Variants in CDH12 observed in about 807,000 individuals in gnomAD.
CDH12 encodes the protein cadherin-12.
CDH12 carries 41 observed loss-of-function variants against 74.1 expected under a neutral mutation model. That is an observed-to-expected ratio of 0.55 (90% CI 0.43 to 0.72). CDH12 has a LOEUF of 0.72. CDH12 is among the 30% of genes least tolerant of loss of function. CDH12 has a pLI of 0.00. For synonymous variants in CDH12, 399 were observed against 355.0 expected (o/e 1.12, Z -1.39); for missense variants, 945 against 977.2 (o/e 0.97, Z 0.44).
intron 3 of CDH12, among the ~76,000 whole-genome samples, chr5:22,288,175 G>A (rs766301827): frequency 6.6e-6 from 1 of 152,250 alleles, no homozygotes; most frequent in South Asian, 2.1e-4. Flanking sequence ...GGCTCTTTCA[G>A]AAGATATGGA....
chr5:22,028,336 TGA>T (rs1290809772), intron 5 of CDH12, among the ~76,000 whole-genome samples: 2 of 152,100 alleles, frequency 1.3e-5, no homozygotes, highest in African/African-American at 4.8e-5. Context: ...TGTTTGCAGA[TGA>T]CATGATTGTA....
chr5:22,682,159 G>A (rs1741528570), intron 1 of CDH12, among the ~76,000 whole-genome samples: 1 of 151,994 alleles, frequency 6.6e-6, no homozygotes. Context: ...CAATGTGCTA[G>A]AACTTGTTCA....
At chr5:22,127,258 C>G (rs1220667817) in intron 4 of CDH12, among the ~76,000 whole-genome samples, 1 of 151,726 alleles carries the variant, frequency 6.6e-6, no homozygotes, top group Admixed American at 6.6e-5. Flanking sequence ...CTTTGGGGGG[C>G]CGAGAGGTCA....
At position 22,698,721 on chromosome 5, in the gene CDH12, ATATATATATATATAGTGT is replaced by A. The variant is rs1488908703; in HGVS notation, c.-523+154319_-523+154336del. 7.3e-3 allele frequency among the ~76,000 whole-genome samples: 138 copies of A among 18,906 alleles called. 12 individuals carry two copies. Among genetic ancestry groups the A allele is most frequent in the Admixed American group, 0.017 (28 of 1,616 alleles). 12.4% of individuals were successfully genotyped at this position (18,906 alleles called of 152,430 possible). On this transcript the variant is annotated intron_variant, in intron 1 of 14. Transcript: ENST00000382254. ...TATATATATATATATATATATATAT[ATATATATATATATAGTGT>A]GTGTGTGTGTGTGTGTGTGTGTGTG...
chr5:21,803,616 T>C (rs1365680190), intron 9 of CDH12, among the ~76,000 whole-genome samples: 1 of 152,182 alleles, frequency 6.6e-6, no homozygotes, highest in Non-Finnish European at 1.5e-5. Context: ...TGGTGCTTTG[T>C]TTAAGTGATA....
intron 1 of CDH12, among the ~76,000 whole-genome samples, chr5:22,815,738 C>A (rs1749356697): frequency 6.9e-6 from 1 of 145,492 alleles, no homozygotes; most frequent in Non-Finnish European, 1.5e-5. Context: ...CTGCTGCACT[C>A]CAGCTTGGGT....
intron 1 of CDH12, among the ~76,000 whole-genome samples, chr5:22,649,882 T>A (rs1739643080): frequency 6.6e-6 from 1 of 151,986 alleles, no homozygotes; most frequent in Non-Finnish European, 1.5e-5. Context: ...GCAGCACTGC[T>A]TGATGTGTAA....
At chr5:22,584,087 T>A (rs1386746090) in intron 1 of CDH12, among the ~76,000 whole-genome samples, 1 of 150,868 alleles carries the variant, frequency 6.6e-6, no homozygotes, top group African/African-American at 2.4e-5. Context: ...GCGGAATTTA[T>A]TTATTTATTT....
intron 3 of CDH12, among the ~76,000 whole-genome samples, chr5:22,369,507 G>GA (rs759829938): frequency 3.4e-4 from 52 of 151,932 alleles, no homozygotes; most frequent in Non-Finnish European, 6.9e-4. Context: ...CATACAAAGA[G>GA]AAAAAAATCA....
rs553514852 is a variant in CDH12, at chr5:22,226,202, G to A, written c.-332-13559C>T. Among the ~76,000 whole-genome samples the A allele has an allele frequency of 1.5e-4, 23 of 151,920 alleles. No individual in the cohort carries two copies. The East Asian group carries it at 2.5e-3, about 17-fold the overall frequency. On this transcript the variant is annotated intron_variant, in intron 3 of 14. Coordinates refer to ENST00000382254, the MANE Select transcript of CDH12 (RefSeq NM_004061.5). ...TCTCTATTCTCGGTATCCTGTCTGC[G>A]TTTGTGGGAGGCAGAATCCTAAGAT...
chr5:22,154,518 T>C (rs375489337), intron 4 of CDH12, among the ~76,000 whole-genome samples: 2 of 134,546 alleles, frequency 1.5e-5, no homozygotes, highest in South Asian at 2.6e-4. Flanking sequence ...TATGTACACA[T>C]ATATATACAC....
At position 22,587,315 on chromosome 5, in the gene CDH12, C is replaced by T. The variant is rs369726670; in HGVS notation, c.-522-81951G>A. Reference sequence around the variant, plus strand: ...AGGTCCTCACTAGATCCAGTCACCTCGACCTTGGCCTTCCCAGAACACCAT... The same window carrying T: ...AGGTCCTCACTAGATCCAGTCACCTTGACCTTGGCCTTCCCAGAACACCAT... On this transcript the variant is annotated intron_variant, in intron 1 of 14. Transcript: ENST00000382254. Among the ~76,000 whole-genome samples the T allele has an allele frequency of 2.2e-4, 34 of 152,196 alleles. 1 individual carries two copies. The East Asian group carries it at 3.3e-3, about 15-fold the overall frequency.
intron 4 of CDH12, among the ~76,000 whole-genome samples, chr5:22,149,866 G>T (rs1035390016): frequency 6.6e-6 from 1 of 152,220 alleles, no homozygotes; most frequent in East Asian, 1.9e-4. Context: ...ATGGTGGCAG[G>T]TGCCTGTAAT....
At chr5:21,793,233 T>C (rs375871438) in intron 10 of CDH12, among the ~76,000 whole-genome samples, 12 of 151,814 alleles carry the variant, frequency 7.9e-5, no homozygotes, top group African/African-American at 2.9e-4. Context: ...TTTTAAACTT[T>C]ACTTACTACC....
At chr5:22,077,360 AT>A (rs1465162437) in intron 5 of CDH12, among the ~76,000 whole-genome samples, 1 of 152,168 alleles carries the variant, frequency 6.6e-6, no homozygotes, top group African/African-American at 2.4e-5. Context: ...TTAAATGAAT[AT>A]TCCTCCTTTG....
At chr5:22,324,261 T>C (rs1738997738) in intron 3 of CDH12, among the ~76,000 whole-genome samples, 1 of 152,126 alleles carries the variant, frequency 6.6e-6, no homozygotes, top group Middle Eastern at 3.2e-3. Flanking sequence ...AGTTAATCTT[T>C]TCATTTTAAG....
intron 5 of CDH12, among the ~76,000 whole-genome samples, chr5:22,012,714 A>G (rs1351817525): frequency 1.3e-5 from 2 of 149,146 alleles, no homozygotes; most frequent in Non-Finnish European, 3.0e-5. Context: ...CCTTGATTTC[A>G]GTTTAGCCTC....
chr5:21,886,498 A>G (rs1752637947), intron 6 of CDH12, among the ~76,000 whole-genome samples: 1 of 147,200 alleles, frequency 6.8e-6, no homozygotes, highest in Non-Finnish European at 1.5e-5. Context: ...AAGAAATAGA[A>G]CAAAACCTCA....
At chr5:22,748,740 T>C (rs1001926156) in intron 1 of CDH12, among the ~76,000 whole-genome samples, 1 of 152,210 alleles carries the variant, frequency 6.6e-6, no homozygotes, top group African/African-American at 2.4e-5. Flanking sequence ...GTGACGACAT[T>C]TCCATATTAA....
Sources: gnomAD v4.1 joint callset for allele counts (sites outside exome capture counted in the v4.1 genomes callset) on GRCh38, gnomAD v4.1.1 for gene constraint, MANE v1.5 for transcripts, NCBI Gene and HGNC (gene_info 2026-07-23, HGNC 2026-07-21) for gene names.